Variants in ANKRD34C observed in about 807,000 individuals in gnomAD.
ANKRD34C encodes the protein ankyrin repeat domain 34C.
For missense variants in ANKRD34C, 563 were observed against 653.0 expected, an observed-to-expected ratio of 0.86 and a Z score of 1.50; for synonymous variants, 260 against 253.6, an observed-to-expected ratio of 1.03 and a Z score of -0.24.
intron 1 of ANKRD34C, among the ~76,000 whole-genome samples, chr15:79,289,909 ATG>A (rs145981924): frequency 2.0e-5 from 3 of 152,056 alleles, no homozygotes; most frequent in Non-Finnish European, 4.4e-5. Flanking sequence ...GTGTTTTTGT[ATG>A]TGTGTGTGTG....
Position 79,293,865 on chromosome 15 carries a change from A to G in ANKRD34C, c.581A>G (p.Lys194Arg), listed in dbSNP as rs1313519624. 1.3e-6 allele frequency: 2 copies of G among 1,551,590 alleles called. No homozygotes were observed. Among genetic ancestry groups the G allele is most frequent in the African/African-American group, 1.4e-5 (1 of 73,062 alleles). Residue 194 changes from lysine (K) to arginine (R), a missense_variant, in exon 2 of 2, where the codon AAG becomes AGG. Physicochemically the swap from Lys to Arg is conservative, Grantham distance 26. Coordinates refer to ENST00000421388, the MANE Select transcript of ANKRD34C (RefSeq NM_001146341.2). The part of the protein sequence containing the change: ...LCASPSDIEL[K>R]ALGLDSPLTE... ...GCGTCTCCCTCTGACATAGAGCTGA[A>G]GGCTCTAGGCCTGGACTCTCCACTC... is the stretch of plus-strand genomic sequence containing the variant.
Sources: allele counts gnomAD v4.1 joint callset (sites outside exome capture counted in the v4.1 genomes callset), GRCh38; gene constraint gnomAD v4.1.1; transcripts MANE v1.5; gene names NCBI Gene and HGNC (gene_info 2026-07-23, HGNC 2026-07-21).